Variants in GABRG2 observed in about 807,000 individuals in gnomAD.
GABRG2 encodes the protein gamma-aminobutyric acid receptor subunit gamma-2.
Under a neutral mutation model 56.4 loss-of-function variants are expected in GABRG2, and 16 were observed. The ratio of observed to expected loss-of-function variants is 0.28; its 90% CI spans 0.19 to 0.43. GABRG2 has a LOEUF of 0.43. Among genes scored for constraint, GABRG2 ranks in the 20% least tolerant of loss-of-function variants. The pLI is 1.00. For missense variants in GABRG2, 327 were observed against 582.7 expected (o/e 0.56, Z 4.52); for synonymous variants, 208 against 205.5 (o/e 1.01, Z -0.10).
chr5:162,083,151 TC>T (rs1759795722), intron 1 of GABRG2, among the ~76,000 whole-genome samples: 1 of 151,916 alleles, frequency 6.6e-6, no homozygotes, highest in East Asian at 1.9e-4. Context: ...AAAATTTTGC[TC>T]CACCATTTCA....
intron 6 of GABRG2, among the ~76,000 whole-genome samples, chr5:162,112,975 CAG>C (rs1341045320): frequency 6.6e-6 from 1 of 151,980 alleles, no homozygotes; most frequent in Non-Finnish European, 1.5e-5. Context: ...TATTTTGAGA[CAG>C]AGTCTCGCTC....
At chr5:162,102,791 C>T (rs905933020) in intron 5 of GABRG2, 12 of 329,254 alleles carry the variant, frequency 3.6e-5, no homozygotes, top group Non-Finnish European at 6.1e-5. Flanking sequence ...ACTATCATAT[C>T]TCTCTCCATC....
chr5:162,142,596 G>T (rs553907376), intron 7 of GABRG2: 3 of 362,720 alleles, frequency 8.3e-6, no homozygotes, highest in South Asian at 6.5e-5. Flanking sequence ...CATGTCCTTT[G>T]TAGGGACATG....
At chr5:162,090,302 A>T (rs539349543) in intron 1 of GABRG2, among the ~76,000 whole-genome samples, 1 of 136,984 alleles carries the variant, frequency 7.3e-6, no homozygotes, top group South Asian at 2.4e-4. Context: ...ATACACATAG[A>T]CATACACATA....
At chr5:162,108,743 G>A (rs1762011982) in intron 6 of GABRG2, among the ~76,000 whole-genome samples, 1 of 152,098 alleles carries the variant, frequency 6.6e-6, no homozygotes, top group Non-Finnish European at 1.5e-5. Context: ...TTAAAAATCT[G>A]CCTGACAAGT....
At chr5:162,074,440 G>A (rs535791851) in intron 1 of GABRG2, among the ~76,000 whole-genome samples, 5 of 152,084 alleles carry the variant, frequency 3.3e-5, no homozygotes, top group Admixed American at 6.6e-5. Context: ...ACCCTGCCAT[G>A]AACCCAAGTG....
chr5:162,140,886 C>T (rs889166992), intron 6 of GABRG2, among the ~76,000 whole-genome samples: 1 of 152,172 alleles, frequency 6.6e-6, no homozygotes, highest in Non-Finnish European at 1.5e-5. Context: ...TTAAGAGCAA[C>T]TTATGCATCA....
chr5:162,104,739 T>C (rs986779848), intron 6 of GABRG2, among the ~76,000 whole-genome samples: 9 of 144,882 alleles, frequency 6.2e-5, no homozygotes, highest in African/African-American at 2.1e-4. Flanking sequence ...CAGATGTGCA[T>C]GATAATATGG....
chr5:162,068,238 G>A (rs1208665400), intron 1 of GABRG2, 132 bp downstream of exon 1: 2 of 710,310 alleles, frequency 2.8e-6, no homozygotes, highest in African/African-American at 1.7e-5. Flanking sequence ...TTAGGAGAGA[G>A]CGAATATATG....
chr5:162,129,360 C>T (rs1162256952), intron 6 of GABRG2: 1 of 151,838 alleles, frequency 6.6e-6, no homozygotes, highest in East Asian at 1.9e-4. Context: ...TAAAACATCA[C>T]TAAGGGTATC....
intron 5 of GABRG2, chr5:162,103,644 T>C (rs1004408323): frequency 7.5e-6 from 4 of 530,522 alleles, no homozygotes; most frequent in African/African-American, 5.7e-5. Context: ...GTAGTATACC[T>C]TCTATGTCAT....
chr5:162,092,170 G>A (rs1581338015), intron 1 of GABRG2, among the ~76,000 whole-genome samples: 1 of 151,992 alleles, frequency 6.6e-6, no homozygotes, highest in African/African-American at 2.4e-5. Context: ...AGCCCAAGAG[G>A]GATTTTTTTT....
chr5:162,152,924 T>C (rs1765475814), intron 9 of GABRG2, 169 bp from the exon 10 acceptor site: 2 of 782,352 alleles, frequency 2.6e-6, no homozygotes, highest in Non-Finnish European at 4.2e-6. Context: ...AATCTGCAAA[T>C]GTGCTATCTT....
chr5:162,102,160 TTCA>T (rs1761471400), intron 5 of GABRG2: 2 of 178,614 alleles, frequency 1.1e-5, no homozygotes, highest in African/African-American at 4.8e-5. Flanking sequence ...TGTTTATCAC[TTCA>T]TCAATACCAG....
intron 6 of GABRG2, among the ~76,000 whole-genome samples, chr5:162,138,625 C>A (rs938647033): frequency 6.6e-6 from 1 of 152,132 alleles, no homozygotes; most frequent in Non-Finnish European, 1.5e-5. Flanking sequence ...AAGAGTACAA[C>A]ACTATTTATG....
chr5:162,142,362 A>C (rs1196282422), intron 7 of GABRG2, 46 bp downstream of exon 7: 1 of 1,587,622 alleles, frequency 6.3e-7, no homozygotes, highest in Admixed American at 1.7e-5. Context: ...ATAAGTACCA[A>C]ATACAAGTAA....
At position 162,153,095 on chromosome 5, in the gene GABRG2, C is replaced by A; in HGVS notation, c.1155C>A (p.Ala385=). The change falls in exon 10 of 10, where the codon GCC becomes GCA. Residue 385 remains alanine (A), a splice_region_variant and synonymous_variant. Transcript: ENST00000639213. The part of the protein sequence containing the change: ...NPLLRMFSFK[A]PTIDIRPRSA... ...CTCCTTCCCTACCCTCGTCCCAGGC[C>A]CCTACCATTGATATCCGCCCAAGAT... is the stretch of plus-strand genomic sequence containing the variant. The A allele has an allele frequency of 6.2e-7, 1 of 1,613,930 alleles. No individual in the cohort carries two copies. The highest frequency in any genetic ancestry group is 8.5e-7 in the Non-Finnish European group (1 of 1,179,936).
chr5:162,130,138 A>G (rs564749066), intron 6 of GABRG2, among the ~76,000 whole-genome samples: 32 of 152,104 alleles, frequency 2.1e-4, no homozygotes, highest in Non-Finnish European at 4.1e-4. Context: ...ATGATTTTTA[A>G]CAGATATCTT....
At chr5:162,124,815 T>C (rs2113503469) in intron 6 of GABRG2, among the ~76,000 whole-genome samples, 1 of 151,956 alleles carries the variant, frequency 6.6e-6, no homozygotes, top group South Asian at 2.1e-4. Context: ...TCCTAATAGC[T>C]AATAAATAGA....
Sources: gnomAD v4.1 joint callset for allele counts (sites outside exome capture counted in the v4.1 genomes callset) on GRCh38, gnomAD v4.1.1 for gene constraint, MANE v1.5 for transcripts, NCBI Gene and HGNC (gene_info 2026-07-23, HGNC 2026-07-21) for gene names.